The following ITIH5 variants were observed in gnomAD, a reference collection of about 807,000 sequenced individuals.
The protein encoded by ITIH5 is inter-alpha-trypsin inhibitor heavy chain 5, also known as inter-alpha-trypsin inhibitor heavy chain H5.
ITIH5 carries 65 observed loss-of-function variants against 77.5 expected under a neutral mutation model. That is an observed-to-expected ratio of 0.84 (90% CI 0.69 to 1.03). ITIH5 has a LOEUF of 1.03. Among genes scored for constraint, ITIH5 ranks in the 50% least tolerant of loss-of-function variants. ITIH5 has a pLI of 0.00. For synonymous variants in ITIH5, 525 were observed against 494.3 expected (o/e 1.06, Z -0.82); for missense variants, 1,208 against 1,213.1 (o/e 1.00, Z 0.06).
chr10:7,600,348 C>T (rs1832990190), intron 7 of ITIH5, among the ~76,000 whole-genome samples: 1 of 152,204 alleles, frequency 6.6e-6, no homozygotes, highest in South Asian at 2.1e-4. Flanking sequence ...TCCCCTGAAA[C>T]ATGCTTCTGT....
chr10:7,632,052 C>T (rs994170499), intron 5 of ITIH5, among the ~76,000 whole-genome samples: 4 of 151,800 alleles, frequency 2.6e-5, no homozygotes, highest in African/African-American at 9.7e-5. Context: ...ACCGACCTTG[C>T]CCTTCCAAAA....
At position 7,559,928 on chromosome 10, in the gene ITIH5, T is replaced by C. The variant is rs932570025; in HGVS notation, c.*3155A>G. 6.8e-6 allele frequency: 3 copies of C among 442,812 alleles called. No homozygotes were observed. The highest frequency in any genetic ancestry group is 4.9e-5 in the Admixed American group (2 of 41,116). 27.4% of individuals were successfully genotyped at this position (442,812 alleles called of 1,614,324 possible). A position where few individuals can be genotyped will look rare whatever the true frequency, so the allele number is the denominator to read the frequency against. On this transcript the variant is annotated 3_prime_UTR_variant, in exon 14 of 14. Transcript: ENST00000397146. ...GTGCAGTGGCGTGATCTTGGCTCAC[T>C]ACAAGTTCCGACTGCCTGGTTCAAG...
chr10:7,567,580 C>G (rs1180608690), intron 12 of ITIH5, among the ~76,000 whole-genome samples: 1 of 151,208 alleles, frequency 6.6e-6, no homozygotes, highest in Non-Finnish European at 1.5e-5. Context: ...TGAGTGAGAA[C>G]ATGCGGTGTT....
chr10:7,592,187 T>C (rs995323836), intron 7 of ITIH5, among the ~76,000 whole-genome samples: 2 of 152,204 alleles, frequency 1.3e-5, no homozygotes, highest in African/African-American at 4.8e-5. Context: ...TGGTTTATTA[T>C]TGTATATTTA....
intron 1 of ITIH5, among the ~76,000 whole-genome samples, chr10:7,666,440 A>C (rs897611924): frequency 2.6e-5 from 4 of 152,146 alleles, no homozygotes; most frequent in Admixed American, 2.0e-4. Context: ...GGGAATGATG[A>C]TAACAGCAGA....
At chr10:7,629,768 T>C (rs1833683647) in intron 5 of ITIH5, among the ~76,000 whole-genome samples, 1 of 152,260 alleles carries the variant, frequency 6.6e-6, no homozygotes, top group Non-Finnish European at 1.5e-5. Context: ...CTGTGAATAC[T>C]GCTACTGTAG....
rs1211141194 is a variant in ITIH5 at position 7,560,290 on chromosome 10, T to A, written c.*2793A>T. On this transcript the variant is annotated 3_prime_UTR_variant, in exon 14 of 14. Transcript: ENST00000397146. The stretch of plus-strand genomic sequence containing the variant: ...AACATATGAATTTGGGGAAGACATA[T>A]ACACTCAATCCAAGGCATGTCGTTT... 2 of 156,728 alleles carry A rather than the reference T, an allele frequency of 1.3e-5. No homozygotes were observed. The highest frequency in any genetic ancestry group is 2.8e-5 in the Non-Finnish European group (2 of 71,196). 9.7% of individuals were successfully genotyped at this position (156,728 alleles called of 1,614,324 possible). A position where few individuals can be genotyped will look rare whatever the true frequency, so the allele number is the denominator to read the frequency against.
At chr10:7,593,694 T>A in intron 7 of ITIH5, among the ~76,000 whole-genome samples, 1 of 26,176 alleles carries the variant, frequency 3.8e-5, no homozygotes, top group African/African-American at 9.8e-5. Flanking sequence ...CCAGCCCCAC[T>A]CATCCCTGCA....
chr10:7,629,975 G>C (rs2131062298), intron 5 of ITIH5, among the ~76,000 whole-genome samples: 1 of 152,248 alleles, frequency 6.6e-6, no homozygotes, highest in African/African-American at 2.4e-5. Flanking sequence ...TGTATTGGGG[G>C]GGCTACGGAG....
chr10:7,644,279 GTATA>G (rs1425514720), intron 2 of ITIH5, among the ~76,000 whole-genome samples: 2 of 146,538 alleles, frequency 1.4e-5, no homozygotes, highest in African/African-American at 2.6e-5. Context: ...ATGTGCGTGT[GTATA>G]TATATCATAT....
chr10:7,637,694 C>G (rs139325324), intron 4 of ITIH5, among the ~76,000 whole-genome samples: 1 of 152,118 alleles, frequency 6.6e-6, no homozygotes, highest in East Asian at 1.9e-4. Flanking sequence ...CAAAGAATAC[C>G]GACCAGGAGA....
chr10:7,597,063 A>AAAAT (rs750714870), intron 7 of ITIH5, among the ~76,000 whole-genome samples: 6 of 142,648 alleles, frequency 4.2e-5, no homozygotes, highest in African/African-American at 1.3e-4. Context: ...AAAAAAAAAA[A>AAAAT]ATTCCACCAA....
At chr10:7,650,898 C>T (rs777000582) in intron 2 of ITIH5, among the ~76,000 whole-genome samples, 7 of 152,034 alleles carry the variant, frequency 4.6e-5, no homozygotes, top group Non-Finnish European at 1.0e-4. Context: ...ATACAGTCTA[C>T]GTAGTGATGT....
In ITIH5 at chr10:7,576,860, TC is replaced by T; in HGVS notation, c.1570del (p.Asp524IlefsTer18). ...GGCGGTGACCTCCACGTGCAGGTGA[TC>T]CAGCTTCCTGTCCACCAGCTTCCCC... ...IAGKLVDRKLDHLHVEVTASN... is the reference protein window; with the variant it reads ...IAGKLVDRKLXHLHVEVTASN... On this transcript the variant is annotated frameshift_variant, in exon 10 of 14. Coordinates refer to ENST00000397146, the MANE Select transcript of ITIH5 (RefSeq NM_030569.7). LOFTEE classifies it high-confidence loss of function. The T allele has an allele frequency of 6.2e-7, 1 of 1,614,170 alleles. No individual in the cohort carries two copies. The highest frequency in any genetic ancestry group is 8.5e-7 in the Non-Finnish European group (1 of 1,180,030).
chr10:7,637,171 A>AGG, intron 5 of ITIH5, 57 bp downstream of exon 5: 1 of 1,558,074 alleles, frequency 6.4e-7, no homozygotes, highest in Non-Finnish European at 8.6e-7. Flanking sequence ...TCCGAAGCCA[A>AGG]GGACCAGCTG....
chr10:7,585,212 T>C (rs1174387189), intron 8 of ITIH5, among the ~76,000 whole-genome samples: 1 of 152,228 alleles, frequency 6.6e-6, no homozygotes, highest in African/African-American at 2.4e-5. Flanking sequence ...GTACTGTTGA[T>C]ACAGGGAATG....
rs11255260 is a variant in ITIH5 at position 7,637,529 on chromosome 10, C to T, written c.402-51G>A. 4.6e-4 allele frequency: 719 copies of T among 1,579,704 alleles called. 3 individuals are homozygous for T. In the East Asian group the frequency reaches 0.013, roughly 28 times the overall value. ...CAGGGAGGTTCGGAAGAGGATAGAG[C>T]CAGGTTCCCTCAGTCCCCACAGGGC... is the stretch of plus-strand genomic sequence containing the variant. On this transcript the variant is annotated intron_variant, in intron 4 of 13. Transcript: ENST00000397146.
chr10:7,619,414 C>T (rs145381665), intron 5 of ITIH5: 101 of 154,778 alleles, frequency 6.5e-4, no homozygotes, highest in Non-Finnish European at 1.1e-3. Flanking sequence ...ACCAATCTCA[C>T]AGTATTGAAA....
At chr10:7,574,926 G>T (rs10458813) in intron 10 of ITIH5, among the ~76,000 whole-genome samples, 2 of 151,690 alleles carry the variant, frequency 1.3e-5, no homozygotes, top group African/African-American at 4.9e-5. Flanking sequence ...GGAGATTTGC[G>T]CTGATGACCT....
Sources: gnomAD v4.1 joint callset for allele counts (sites outside exome capture counted in the v4.1 genomes callset) on GRCh38, gnomAD v4.1.1 for gene constraint, MANE v1.5 for transcripts, NCBI Gene and HGNC (gene_info 2026-07-23, HGNC 2026-07-21) for gene names.